The following CCDC122 variants were observed in gnomAD, a reference collection of about 807,000 sequenced individuals.
The protein encoded by CCDC122 is coiled-coil domain-containing protein 122.
In CCDC122, 38 loss-of-function variants were observed where a neutral mutation model predicts 37.0. The observed-to-expected ratio is 1.03, with a 90% CI of 0.79 to 1.35. CCDC122 has a LOEUF of 1.35. Ranked by LOEUF, CCDC122 falls within the 40% of genes most tolerant of loss-of-function variation. The probability of loss-of-function intolerance (pLI) is 0.00; values close to 1 mark genes in which losing one functional copy is unlikely to be tolerated. For missense variants in CCDC122, 305 were observed against 310.0 expected (o/e 0.98, Z 0.12); for synonymous variants, 83 against 95.6 (o/e 0.87, Z 0.77).
chr13:43,844,213 A>G (rs977598487), intron 6 of CCDC122, among the ~76,000 whole-genome samples: 18 of 151,818 alleles, frequency 1.2e-4, no homozygotes, highest in African/African-American at 4.4e-4. Context: ...TCACCCCATA[A>G]TTTTCCATAC....
chr13:43,873,429 TA>T (rs1954508443), intron 2 of CCDC122, among the ~76,000 whole-genome samples: 1 of 152,138 alleles, frequency 6.6e-6, no homozygotes, highest in Non-Finnish European at 1.5e-5. Flanking sequence ...CTCAGTAAAT[TA>T]TAAGTTCATT....
intron 6 of CCDC122, among the ~76,000 whole-genome samples, chr13:43,840,930 A>C (rs909464603): frequency 2.0e-5 from 3 of 152,162 alleles, no homozygotes; most frequent in Admixed American, 6.6e-5. Context: ...AATGGTATTT[A>C]TAGTTCTAGA....
intron 1 of CCDC122, among the ~76,000 whole-genome samples, chr13:43,875,568 C>G (rs184787864): frequency 6.6e-6 from 1 of 152,104 alleles, no homozygotes; most frequent in Non-Finnish European, 1.5e-5. Context: ...GGAGACTAAC[C>G]CATTATCTAC....
intron 3 of CCDC122, 63 bp from the exon 4 acceptor site, chr13:43,868,866 T>TTA: frequency 1.5e-6 from 1 of 670,728 alleles, no homozygotes; most frequent in Non-Finnish European, 2.2e-6. Flanking sequence ...TTTAAGAAAG[T>TTA]TATGTTTCTT....
At chr13:43,831,338 T>C (rs1953087397) in intron 3 of CCDC122, among the ~76,000 whole-genome samples, 1 of 152,160 alleles carries the variant, frequency 6.6e-6, no homozygotes, top group Non-Finnish European at 1.5e-5. Context: ...CAGTTAATAC[T>C]AGGTCGCTGA....
downstream of CCDC122, among the ~76,000 whole-genome samples, chr13:43,819,527 A>G (rs1952980155): frequency 6.6e-6 from 1 of 152,212 alleles, no homozygotes. Context: ...GAAGACCTCT[A>G]TGTATCACTG....
At chr13:43,838,662 C>T (rs1953244480) in intron 6 of CCDC122, among the ~76,000 whole-genome samples, 1 of 152,110 alleles carries the variant, frequency 6.6e-6, no homozygotes, top group Non-Finnish European at 1.5e-5. Context: ...GTTTCCCAAA[C>T]AAGGCTTTTA....
downstream of CCDC122, among the ~76,000 whole-genome samples, chr13:43,820,643 A>G (rs1445229372): frequency 1.3e-5 from 2 of 152,228 alleles, no homozygotes; most frequent in African/African-American, 4.8e-5. Context: ...CTTATTCTAA[A>G]AATTGAAAAC....
chr13:43,840,559 G>A (rs1303841159), intron 6 of CCDC122, among the ~76,000 whole-genome samples: 7 of 151,586 alleles, frequency 4.6e-5, no homozygotes, highest in South Asian at 2.1e-4. Flanking sequence ...GCCCCGGTGC[G>A]TGATGTGATG....
chr13:43,840,587 A>C (rs9634784), intron 6 of CCDC122, among the ~76,000 whole-genome samples: 6,950 of 151,492 alleles, frequency 0.046, 200 homozygotes, highest in East Asian at 0.097. Flanking sequence ...TCCTGTGTCC[A>C]TGTGTTCTCA....
At chr13:43,869,236 A>T in intron 3 of CCDC122, 95 bp downstream of exon 3, 2 of 906,156 alleles carry the variant, frequency 2.2e-6, no homozygotes, top group Admixed American at 4.1e-5. Flanking sequence ...CATCTATTCT[A>T]ATTTGCTATC....
chr13:43,834,867 G>A (rs879264135), downstream of CCDC122, among the ~76,000 whole-genome samples: 2,411 of 152,186 alleles, frequency 0.016, 39 homozygotes, highest in South Asian at 0.035. Context: ...TGGTGGGACT[G>A]TAAACTAGTT....
downstream of CCDC122, among the ~76,000 whole-genome samples, chr13:43,822,533 T>G (rs1052226380): frequency 6.6e-6 from 1 of 152,240 alleles, no homozygotes; most frequent in South Asian, 2.1e-4. Flanking sequence ...GGGTGGTAAG[T>G]TCCCCCAGGC....
At chr13:43,825,036 C>T (rs1953026626) in intron 3 of CCDC122, among the ~76,000 whole-genome samples, 1 of 152,220 alleles carries the variant, frequency 6.6e-6, no homozygotes, top group Non-Finnish European at 1.5e-5. Context: ...ACCCAGCAGT[C>T]CCATTACTGG....
chr13:43,877,983 T>G (rs1487704407), intron 1 of CCDC122: 4 of 151,972 alleles, frequency 2.6e-5, no homozygotes, highest in African/African-American at 9.7e-5. Context: ...GAAAATGGGA[T>G]GAGGAAGTGT....
chr13:43,846,330 T>C (rs1470845604), intron 6 of CCDC122, among the ~76,000 whole-genome samples: 1 of 152,166 alleles, frequency 6.6e-6, no homozygotes, highest in African/African-American at 2.4e-5. Flanking sequence ...CACCTTGGAC[T>C]CTCAAAGTGT....
chr13:43,875,844 T>C (rs2153881127), intron 1 of CCDC122, among the ~76,000 whole-genome samples: 1 of 152,336 alleles, frequency 6.6e-6, no homozygotes, highest in Admixed American at 6.5e-5. Flanking sequence ...TCTGCCTGCC[T>C]TCAACTTTGC....
At chr13:43,867,691 G>C (rs1296858307) in intron 4 of CCDC122, among the ~76,000 whole-genome samples, 3 of 151,960 alleles carry the variant, frequency 2.0e-5, no homozygotes, top group Non-Finnish European at 1.5e-5. Context: ...AATATAAATG[G>C]AATAAAGTCT....
At chr13:43,863,087 C>T (rs1253892970) in intron 4 of CCDC122, among the ~76,000 whole-genome samples, 1 of 151,994 alleles carries the variant, frequency 6.6e-6, no homozygotes, top group Non-Finnish European at 1.5e-5. Context: ...TTTTGACCTT[C>T]TTGTGCTCAT....
Sources: gnomAD v4.1 joint callset for allele counts (sites outside exome capture counted in the v4.1 genomes callset) on GRCh38, gnomAD v4.1.1 for gene constraint, MANE v1.5 for transcripts, NCBI Gene and HGNC (gene_info 2026-07-23, HGNC 2026-07-21) for gene names.